The following HCK variants were observed in gnomAD, a reference collection of about 807,000 sequenced individuals.
The protein encoded by HCK is HCK proto-oncogene, Src family tyrosine kinase.
Under a neutral mutation model 70.4 loss-of-function variants are expected in HCK, and 40 were observed. The ratio of observed to expected loss-of-function variants is 0.57; its 90% confidence interval spans 0.44 to 0.74. HCK has a LOEUF of 0.74. Among genes scored for constraint, HCK ranks in the 30% least tolerant of loss-of-function variants. The probability of loss-of-function intolerance (pLI) is 0.00; values close to 1 mark genes in which losing one functional copy is unlikely to be tolerated. For missense variants in HCK, 568 were observed against 697.2 expected (o/e 0.81, Z 2.09); for synonymous variants, 245 against 263.2 (o/e 0.93, Z 0.67).
intron 10 of HCK, among the ~76,000 whole-genome samples, chr20:32,091,638 C>T (rs761150504): frequency 7.2e-5 from 11 of 152,008 alleles, no homozygotes; most frequent in Non-Finnish European, 1.5e-4. Flanking sequence ...CCCCACCCCC[C>T]ACTATTCTAA....
chr20:32,097,761 A>T (rs1413863029), intron 11 of HCK, among the ~76,000 whole-genome samples: 1 of 152,076 alleles, frequency 6.6e-6, no homozygotes, highest in African/African-American at 2.4e-5. Flanking sequence ...ACACACATAG[A>T]ACATTTTCAA....
intron 8 of HCK, among the ~76,000 whole-genome samples, chr20:32,085,038 T>C (rs1027013203): frequency 6.6e-6 from 1 of 152,238 alleles, no homozygotes; most frequent in Non-Finnish European, 1.5e-5. Flanking sequence ...CAACACTGCC[T>C]GCTTTGCAGG....
rs751990347 is a variant in HCK at position 32,088,552 on chromosome 20, C to G, written c.1016-16C>G. 4.4e-6 allele frequency: 7 copies of G among 1,603,138 alleles called. No homozygotes were observed. The South Asian group carries it at 6.7e-5, about 15-fold the overall frequency. On this transcript the variant is annotated splice_polypyrimidine_tract_variant and intron_variant, in intron 9 of 12. Transcript: ENST00000375852. ...TAGTAAAAGTAGTAAATGTTCCTCC[C>G]CTCTCCCCCATATAGGAAGCTTGCT...
rs1015147252 is a variant in HCK at position 32,073,701 on chromosome 20, T to C, written c.227-15T>C. 5.8e-6 allele frequency: 9 copies of C among 1,539,460 alleles called. No homozygotes were observed. In the East Asian group the frequency reaches 1.2e-4, roughly 21 times the overall value. ...CTTAGACGAAACCTCACCCTCTGTG[T>C]GTCTCCCTTCCCAGCAGGCTCTGAG... is the stretch of plus-strand genomic sequence containing the variant. On this transcript the variant is annotated splice_polypyrimidine_tract_variant and intron_variant, in intron 3 of 12. Coordinates refer to ENST00000375852, the MANE Select transcript of HCK (RefSeq NM_002110.5).
intron 5 of HCK, among the ~76,000 whole-genome samples, chr20:32,079,312 A>G (rs1422924297): frequency 6.6e-6 from 1 of 152,220 alleles, no homozygotes; most frequent in African/African-American, 2.4e-5. Flanking sequence ...CAGGCTTCCA[A>G]GGTCCCAAGA....
At chr20:32,078,094 G>A (rs529463691) in intron 5 of HCK, among the ~76,000 whole-genome samples, 4 of 151,846 alleles carry the variant, frequency 2.6e-5, no homozygotes, top group African/African-American at 9.7e-5. Flanking sequence ...GAGTGCAGTG[G>A]CGTGATCTCG....
intron 10 of HCK, among the ~76,000 whole-genome samples, chr20:32,093,555 G>A (rs1490655721): frequency 4.6e-5 from 7 of 151,880 alleles, no homozygotes; most frequent in Non-Finnish European, 1.0e-4. Context: ...GTGTGTTCCT[G>A]GAAGAATAGG....
rs5841096 is a variant in HCK, at chr20:32,091,809, TAA to T, written c.1093-2041_1093-2040del. On this transcript the variant is annotated intron_variant, in intron 10 of 12. Transcript: ENST00000375852. ...CCACATAGTGGGACCTCTTCTCTATTAAAAAAAAAAAAAATTCTTTTTAAATT... is the reference window on the plus strand; with the variant it reads ...CCACATAGTGGGACCTCTTCTCTATTAAAAAAAAAAAATTCTTTTTAAATT... Among the ~76,000 whole-genome samples, 127 of 145,510 alleles carry T rather than the reference TAA, an allele frequency of 8.7e-4. 1 individual carries two copies. Among genetic ancestry groups the T allele is most frequent in the African/African-American group, 2.6e-3 (105 of 39,696 alleles).
At chr20:32,065,958 T>C (rs2122502480) in intron 1 of HCK, among the ~76,000 whole-genome samples, 1 of 152,314 alleles carries the variant, frequency 6.6e-6, no homozygotes, top group African/African-American at 2.4e-5. Flanking sequence ...GGGAACCTTG[T>C]TAAAATGCAC....
chr20:32,083,693 C>T (rs2045738144), intron 6 of HCK, among the ~76,000 whole-genome samples: 1 of 152,168 alleles, frequency 6.6e-6, no homozygotes, highest in African/African-American at 2.4e-5. Context: ...AGTCACATGG[C>T]CAAGGTCTCA....
Position 32,073,332 on chromosome 20 carries a change from A to T in HCK, c.197A>T (p.His66Leu). ...TCTTCCCCACAGGGGCCTAATAGCCACAACAGCAACACACCAGGAATCAGG... is the reference window on the plus strand; with the variant it reads ...TCTTCCCCACAGGGGCCTAATAGCCTCAACAGCAACACACCAGGAATCAGG... Residue 66 changes from histidine to leucine, a missense_variant, in exon 3 of 13, where the codon CAC becomes CTC. His to Leu is a moderately conservative substitution (Grantham distance 99). Around this residue, in one of 4 missense-constraint regions of HCK, gnomAD observed 318 missense variants for 336.0 expected, o/e 0.95. Transcript: ENST00000375852. 6.2e-7 allele frequency: 1 copy of T among 1,612,036 alleles called. No homozygotes were observed. The highest frequency in any genetic ancestry group is 1.7e-4 in the Middle Eastern group (1 of 6,054).
chr20:32,080,020 G>C, intron 6 of HCK, 143 bp downstream of exon 6: 1 of 650,736 alleles, frequency 1.5e-6, no homozygotes, highest in East Asian at 2.7e-5. Flanking sequence ...CCTGCTCTTG[G>C]CCACCTGAGC....
intron 1 of HCK, among the ~76,000 whole-genome samples, chr20:32,055,131 C>A (rs748174092): frequency 1.3e-5 from 2 of 152,152 alleles, no homozygotes; most frequent in Non-Finnish European, 2.9e-5. Context: ...AGGAAAACAC[C>A]AAAAGGCTGG....
intron 2 of HCK, chr20:32,072,127 A>G: frequency 3.7e-6 from 1 of 271,148 alleles, no homozygotes; most frequent in Non-Finnish European, 7.0e-6. Flanking sequence ...TGACAATGTA[A>G]TGGTAGTATC....
Position 32,074,647 on chromosome 20 carries a change from A to T in HCK, c.354A>T (p.Arg118=), listed in dbSNP as rs757544220. The T allele has an allele frequency of 6.2e-7, 1 of 1,613,862 alleles. No individual in the cohort carries two copies. Among genetic ancestry groups the T allele is most frequent in the South Asian group, 1.1e-5 (1 of 91,080 alleles). Residue 118 remains arginine (R), a synonymous_variant, in exon 5 of 13, where the codon CGA becomes CGT. Transcript: ENST00000375852. The stretch of plus-strand genomic sequence containing the variant: ...GATCCGGGGAGTGGTGGAAGGCTCG[A>T]TCCCTGGCCACCCGGAAGGAGGGCT...
At chr20:32,076,219 G>A (rs537239589) in intron 5 of HCK, among the ~76,000 whole-genome samples, 5 of 152,204 alleles carry the variant, frequency 3.3e-5, no homozygotes, top group South Asian at 2.1e-4. Flanking sequence ...CCAGCTACTC[G>A]GGAGGCTGAG....
At chr20:32,095,490 C>G (rs2045942247) in intron 11 of HCK, among the ~76,000 whole-genome samples, 1 of 152,142 alleles carries the variant, frequency 6.6e-6, no homozygotes, top group African/African-American at 2.4e-5. Context: ...CTCCTGACCT[C>G]AAGTGATCCG....
In HCK at chr20:32,057,397, C is replaced by T. The variant is rs149013056; in HGVS notation, c.62+4911C>T. Among the ~76,000 whole-genome samples, 1,349 of 152,234 alleles carry T rather than the reference C, an allele frequency of 8.9e-3. 5 individuals are homozygous for T. Among genetic ancestry groups the T allele is most frequent in the Non-Finnish European group, 0.015 (988 of 68,010 alleles). On this transcript the variant is annotated intron_variant, in intron 1 of 12. Coordinates refer to ENST00000375852, the MANE Select transcript of HCK (RefSeq NM_002110.5). ...GGCAGATCATCTGAGCTCAGGAGTT[C>T]GAGACCAGCCTGGGTAACATGGCAA...
At position 32,084,444 on chromosome 20, in the gene HCK, C is replaced by T; in HGVS notation, c.736C>T (p.Pro246Ser). 1 of 1,614,056 alleles carries T rather than the reference C, an allele frequency of 6.2e-7. No homozygotes were observed. Among genetic ancestry groups the T allele is most frequent in the Non-Finnish European group, 8.5e-7 (1 of 1,179,938 alleles). Residue 246 changes from proline to serine, a missense_variant, in exon 8 of 13, where the codon CCC becomes TCC. Transcript: ENST00000375852. Reference sequence around the variant, plus strand: ...GTCGGTGCCCTGCATGTCTTCCAAGCCCCAGAAGCCTTGGGAGAAAGATGC... The same window carrying T: ...GTCGGTGCCCTGCATGTCTTCCAAGTCCCAGAAGCCTTGGGAGAAAGATGC...
Sources: allele counts gnomAD v4.1 joint callset (sites outside exome capture counted in the v4.1 genomes callset), GRCh38; gene constraint gnomAD v4.1.1; regional missense constraint gnomAD v4.1.1; transcripts MANE v1.5; gene names NCBI Gene and HGNC (gene_info 2026-07-23, HGNC 2026-07-21).